The following BRAF variants were observed in gnomAD, a reference collection of about 807,000 sequenced individuals.
The protein encoded by BRAF is B-Raf proto-oncogene, serine/threonine kinase.
In BRAF, 16 loss-of-function variants were observed where a neutral mutation model predicts 104.6. The observed-to-expected ratio is 0.15, with a 90% confidence interval of 0.10 to 0.23. BRAF has a LOEUF of 0.23. BRAF is among the 10% of genes least tolerant of loss of function. The pLI is 1.00. For missense variants in BRAF, 541 were observed against 937.3 expected (o/e 0.58, Z 5.52); for synonymous variants, 310 against 341.6 (o/e 0.91, Z 1.02).
chr7:140,839,968 G>A lies in BRAF; in HGVS notation c.241-5096C>T, dbSNP rs6969149. On this transcript the variant is annotated intron_variant, in intron 2 of 19. Coordinates refer to ENST00000644969, the MANE Select transcript of BRAF (RefSeq NM_001374258.1). ...TGCCCATGAAGCCACCAACTTGACT[G>A]CCTGAGAAAGAAGGCACCGAAGGGA... Among the ~76,000 whole-genome samples, 976 of 152,286 alleles carry A rather than the reference G, an allele frequency of 6.4e-3. 9 individuals carry two copies. Among genetic ancestry groups the A allele is most frequent in the African/African-American group, 0.022 (922 of 41,546 alleles).
chr7:140,905,639 T>A (rs192669099), intron 1 of BRAF, among the ~76,000 whole-genome samples: 1 of 152,232 alleles, frequency 6.6e-6, no homozygotes, highest in Non-Finnish European at 1.5e-5. Context: ...GCTGGTGATA[T>A]GTTTAGATTT....
intron 5 of BRAF, among the ~76,000 whole-genome samples, chr7:140,803,535 AAGAAAC>A (rs1347733526): frequency 1.3e-5 from 2 of 152,220 alleles, no homozygotes; most frequent in African/African-American, 4.8e-5. Context: ...TAAAAAAAAT[AAGAAAC>A]AGAAAAATCA....
chr7:140,733,881 AT>A, intron 19 of BRAF: 6 of 600,782 alleles, frequency 1.0e-5, no homozygotes, highest in Non-Finnish European at 1.3e-5. Context: ...TCCTTAATGT[AT>A]TTTAAAAAAA....
chr7:140,722,345 A>G lies in BRAF; in HGVS notation c.*4149T>C. 9.5e-7 allele frequency: 1 copy of G among 1,055,052 alleles called. No homozygotes were observed. Among genetic ancestry groups the G allele is most frequent in the Non-Finnish European group, 1.1e-6 (1 of 872,880 alleles). 65.4% of individuals were successfully genotyped at this position (1,055,052 alleles called of 1,614,324 possible). A position where few individuals can be genotyped will look rare whatever the true frequency, so the allele number is the denominator to read the frequency against. On this transcript the variant is annotated 3_prime_UTR_variant, in exon 20 of 20. Transcript: ENST00000644969. ...AAATTGCACTCTAAAAATTATTAAC[A>G]CAGCTGAGTTAAACCAGAGTGGCTG...
chr7:140,884,669 T>C (rs376786228), intron 1 of BRAF, among the ~76,000 whole-genome samples: 4 of 151,950 alleles, frequency 2.6e-5, no homozygotes, highest in African/African-American at 9.7e-5. Flanking sequence ...TTTGTAGAGA[T>C]AGGGTCTTGC....
intron 1 of BRAF, among the ~76,000 whole-genome samples, chr7:140,910,999 G>A (rs985742454): frequency 6.6e-6 from 1 of 152,130 alleles, no homozygotes; most frequent in African/African-American, 2.4e-5. Flanking sequence ...AGAACTCAGT[G>A]CTGTGTAAAT....
intron 3 of BRAF, among the ~76,000 whole-genome samples, chr7:140,815,949 T>C (rs1407429100): frequency 6.6e-6 from 1 of 152,174 alleles, no homozygotes; most frequent in Non-Finnish European, 1.5e-5. Context: ...TACTGCTAAA[T>C]TGCTGTCCCA....
chr7:140,831,991 A>T (rs974921326), intron 3 of BRAF, among the ~76,000 whole-genome samples: 2 of 152,096 alleles, frequency 1.3e-5, no homozygotes, highest in African/African-American at 4.8e-5. Context: ...AGCTCCTAGT[A>T]TTTTGTTTGG....
chr7:140,737,657 T>G (rs1325417639), intron 18 of BRAF, among the ~76,000 whole-genome samples: 1 of 152,188 alleles, frequency 6.6e-6, no homozygotes, highest in South Asian at 2.1e-4. Flanking sequence ...ATCTGCTAAT[T>G]TTTTCCTTCT....
chr7:140,861,842 G>C (rs1810449964), intron 1 of BRAF, among the ~76,000 whole-genome samples: 1 of 152,140 alleles, frequency 6.6e-6, no homozygotes, highest in Non-Finnish European at 1.5e-5. Context: ...CTATATACTT[G>C]AAGTAGAAAG....
At chr7:140,911,337 G>C (rs1352273454) in intron 1 of BRAF, among the ~76,000 whole-genome samples, 1 of 152,176 alleles carries the variant, frequency 6.6e-6, no homozygotes, top group Non-Finnish European at 1.5e-5. Flanking sequence ...TAGCCACATA[G>C]ATACGGCTAC....
chr7:140,915,859 T>C (rs530364654), intron 1 of BRAF, among the ~76,000 whole-genome samples: 1 of 151,510 alleles, frequency 6.6e-6, no homozygotes, highest in South Asian at 2.1e-4. Flanking sequence ...AAGTGTAGTT[T>C]CAAAATCGGC....
intron 1 of BRAF, among the ~76,000 whole-genome samples, chr7:140,908,473 AG>A (rs1167051021): frequency 3.3e-5 from 5 of 152,104 alleles, no homozygotes; most frequent in Non-Finnish European, 7.4e-5. Context: ...TCCATCTGCC[AG>A]GCCATGGAAG....
In BRAF at chr7:140,721,630, G is replaced by C. The variant is rs1265244853; in HGVS notation, c.*4864C>G. On this transcript the variant is annotated 3_prime_UTR_variant, in exon 20 of 20. Transcript: ENST00000644969. ...GCTACAAATCATCACCTGAGGCAGAGATGCTACTACCCTCTTCTGGGGCTC... is the reference window on the plus strand; with the variant it reads ...GCTACAAATCATCACCTGAGGCAGACATGCTACTACCCTCTTCTGGGGCTC... 6.5e-7 allele frequency: 1 copy of C among 1,535,896 alleles called. No individual in the cohort carries two copies. Among genetic ancestry groups the C allele is most frequent in the Admixed American group, 2.0e-5 (1 of 50,902 alleles).
intron 2 of BRAF, among the ~76,000 whole-genome samples, chr7:140,842,817 G>C (rs1478622364): frequency 6.6e-6 from 1 of 152,144 alleles, no homozygotes. Context: ...GGAATCAATA[G>C]AATGTTAACT....
intron 1 of BRAF, among the ~76,000 whole-genome samples, chr7:140,911,502 A>G (rs1816974463): frequency 6.6e-6 from 1 of 152,210 alleles, no homozygotes; most frequent in Non-Finnish European, 1.5e-5. Flanking sequence ...GATTCTACAA[A>G]AGCACAAAGC....
chr7:140,863,528 C>G (rs922960980), intron 1 of BRAF, among the ~76,000 whole-genome samples: 7 of 152,196 alleles, frequency 4.6e-5, no homozygotes, highest in African/African-American at 1.7e-4. Context: ...ATTTTACTAA[C>G]AATTTACTTC....
At position 140,822,147 on chromosome 7, in the gene BRAF, C is replaced by T. The variant is rs547381443; in HGVS notation, c.504+12462G>A. Among the ~76,000 whole-genome samples, 16 of 152,180 alleles carry T rather than the reference C, an allele frequency of 1.1e-4. No individual in the cohort carries two copies. In the South Asian group the frequency reaches 1.5e-3, roughly 14 times the overall value. On this transcript the variant is annotated intron_variant, in intron 3 of 19. Transcript: ENST00000644969. ...AGATAACAAAGCTGTGCATGTACCTCCTGAATCTAAAATAAAAGTTGAAAA... is the reference window on the plus strand; with the variant it reads ...AGATAACAAAGCTGTGCATGTACCTTCTGAATCTAAAATAAAAGTTGAAAA...
chr7:140,865,329 C>T (rs567072699), intron 1 of BRAF, among the ~76,000 whole-genome samples: 1 of 152,270 alleles, frequency 6.6e-6, no homozygotes, highest in African/African-American at 2.4e-5. Context: ...ATCCACCTGC[C>T]TCGGCCTCCC....
Sources: allele counts gnomAD v4.1 joint callset (sites outside exome capture counted in the v4.1 genomes callset), GRCh38; gene constraint gnomAD v4.1.1; transcripts MANE v1.5; gene names NCBI Gene and HGNC (gene_info 2026-07-23, HGNC 2026-07-21).